Variants in MYCN observed in about 807,000 individuals in gnomAD.
The protein encoded by MYCN is MYCN proto-oncogene, bHLH transcription factor.
MYCN carries 3 observed loss-of-function variants against 28.1 expected under a neutral mutation model. That is an observed-to-expected ratio of 0.11 (90% confidence interval 0.05 to 0.28). The LOEUF is 0.28. Ranked by LOEUF, MYCN falls within the 10% of genes least tolerant of loss-of-function variation. MYCN has a pLI of 1.00. For synonymous variants in MYCN, 326 were observed against 288.3 expected (o/e 1.13, Z -1.32); for missense variants, 572 against 651.4 (o/e 0.88, Z 1.33).
chr2:15,946,159 A>G lies in MYCN; in HGVS notation c.*62A>G. ...ACATTTTGATTTTTTTTTTAAACAAACATTGTGTTGACATTAAGAATGTTG... is the reference window on the plus strand; with the variant it reads ...ACATTTTGATTTTTTTTTTAAACAAGCATTGTGTTGACATTAAGAATGTTG... On this transcript the variant is annotated 3_prime_UTR_variant, in exon 3 of 3. Transcript: ENST00000281043. The G allele has an allele frequency of 6.2e-7, 1 of 1,611,214 alleles. No individual in the cohort carries two copies. Among genetic ancestry groups the G allele is most frequent in the Non-Finnish European group, 8.5e-7 (1 of 1,178,340 alleles).
chr2:15,942,468 A>T lies in MYCN; in HGVS notation c.404A>T (p.Gln135Leu). Reference sequence around the variant, plus strand: ...GAGCGCGCCGTGAGCGAGAAGCTGCAGCACGGCCGCGGGCCGCCAACCGCC... The same window carrying T: ...GAGCGCGCCGTGAGCGAGAAGCTGCTGCACGGCCGCGGGCCGCCAACCGCC... ...KLERAVSEKLQHGRGPPTAGS... is the reference protein window; with the variant it reads ...KLERAVSEKLLHGRGPPTAGS... The change falls in exon 2 of 3, where the codon CAG becomes CTG. Residue 135 changes from glutamine to leucine, a missense_variant. Transcript: ENST00000281043. The surrounding 1 kb of genome is among the most constrained non-coding windows in gnomAD (Gnocchi z 7.0). 6.3e-7 allele frequency: 1 copy of T among 1,579,320 alleles called. No individual in the cohort carries two copies. Among genetic ancestry groups the T allele is most frequent in the Non-Finnish European group, 8.6e-7 (1 of 1,168,826 alleles).
Position 15,946,348 on chromosome 2 carries a change from G to A in MYCN, c.*251G>A, listed in dbSNP as rs936127085. The A allele has an allele frequency of 7.2e-6, 4 of 551,732 alleles. No homozygotes were observed. Among genetic ancestry groups the A allele is most frequent in the African/African-American group, 3.8e-5 (2 of 53,182 alleles). The allele number at this position is 551,732 out of a possible 1,614,324, so 34.2% of individuals were successfully genotyped here. On this transcript the variant is annotated 3_prime_UTR_variant, in exon 3 of 3. Transcript: ENST00000281043. Reference sequence around the variant, plus strand: ...CATGACAGCGCTAAACGTTGGTGACGGTTGGGAGCCTCTGGGGCTGTTGAA... The same window carrying A: ...CATGACAGCGCTAAACGTTGGTGACAGTTGGGAGCCTCTGGGGCTGTTGAA...
At position 15,940,596 on chromosome 2, in the gene MYCN, G is replaced by A. The variant is rs978181941; in HGVS notation, c.-265G>A. ...TGGACGCGCTGGGTGGATGCGGGGG[G>A]CTCCTGGGAACTGTGTTGGAGCCGA... On this transcript the variant is annotated 5_prime_UTR_variant, in exon 1 of 3. Transcript: ENST00000281043. 2 of 400,396 alleles carry A rather than the reference G, an allele frequency of 5.0e-6. No homozygotes were observed. The highest frequency in any genetic ancestry group is 2.0e-5 in the African/African-American group (1 of 48,808). The allele number at this position is 400,396 out of a possible 1,614,324, so 24.8% of individuals were successfully genotyped here.
Position 15,941,429 on chromosome 2 carries a change from G to A in MYCN, c.-117-519G>A, listed in dbSNP as rs949276702. On this transcript the variant is annotated intron_variant, in intron 1 of 2. Transcript: ENST00000281043. The surrounding 1 kb of genome is among the most constrained non-coding windows in gnomAD (Gnocchi z 4.8). ...GGTGTCTGTTGTTGGTCTCTGTCTA[G>A]AGAAAGGCTTTTTTTTATTTGCAAA... 3 of 154,276 alleles carry A rather than the reference G, an allele frequency of 1.9e-5. No individual in the cohort carries two copies. Among genetic ancestry groups the A allele is most frequent in the African/African-American group, 7.2e-5 (3 of 41,500 alleles). 9.6% of individuals were successfully genotyped at this position (154,276 alleles called of 1,614,324 possible). A position where few individuals can be genotyped will look rare whatever the true frequency, so the allele number is the denominator to read the frequency against.
rs112435141 is a variant in MYCN at position 15,945,296 on chromosome 2, G to A, written c.791-197G>A. Among the ~76,000 whole-genome samples, 2 of 152,124 alleles carry A rather than the reference G, an allele frequency of 1.3e-5. No homozygotes were observed. Among genetic ancestry groups the A allele is most frequent in the African/African-American group, 4.8e-5 (2 of 41,486 alleles). ...ATTACAGGTGTGAGTCACCGCGTCC[G>A]GCCTACAGATATATTTAATTTAAAG... is the stretch of plus-strand genomic sequence containing the variant. On this transcript the variant is annotated intron_variant, in intron 2 of 2. Transcript: ENST00000281043. The surrounding 1 kb of genome is among the most constrained non-coding windows in gnomAD (Gnocchi z 4.8).
Position 15,946,819 on chromosome 2 carries a change from C to CTA in MYCN, c.*732_*733dup, listed in dbSNP as rs563066464. 958 of 220,216 alleles carry CTA rather than the reference C, an allele frequency of 4.4e-3. 6 individuals carry two copies. The highest frequency in any genetic ancestry group is 6.8e-3 in the Non-Finnish European group (749 of 109,836). 13.6% of individuals were successfully genotyped at this position (220,216 alleles called of 1,614,324 possible). A position where few individuals can be genotyped will look rare whatever the true frequency, so the allele number is the denominator to read the frequency against. On this transcript the variant is annotated 3_prime_UTR_variant, in exon 3 of 3. Coordinates refer to ENST00000281043, the MANE Select transcript of MYCN (RefSeq NM_005378.6). ...TAAGAAACTTTTGTAAAGAAATTTA[C>CTA]TATATATATATGCCTTTTTCCTAGC...
In MYCN at chr2:15,945,594, A is replaced by G. The variant is rs1662842475; in HGVS notation, c.892A>G (p.Thr298Ala). ...CAACACCAAGGCTGTCACCACATTC[A>G]CCATCACTGTGCGTCCCAAGAACGC... is the stretch of plus-strand genomic sequence containing the variant. Reference protein sequence around the residue: ...SSNTKAVTTFTITVRPKNAAL... With the variant: ...SSNTKAVTTFAITVRPKNAAL... The change falls in exon 3 of 3, where the codon ACC becomes GCC. Residue 298 changes from threonine to alanine, a missense_variant. By Grantham distance (58) the Thr-to-Ala change is moderately conservative. Coordinates refer to ENST00000281043, the MANE Select transcript of MYCN (RefSeq NM_005378.6). The surrounding 1 kb of genome is among the most constrained non-coding windows in gnomAD (Gnocchi z 4.8). 1 of 1,614,134 alleles carries G rather than the reference A, an allele frequency of 6.2e-7. No individual in the cohort carries two copies. The highest frequency in any genetic ancestry group is 1.6e-4 in the Middle Eastern group (1 of 6,062).
intron 2 of MYCN, among the ~76,000 whole-genome samples, chr2:15,943,823 G>A (rs1662787511): frequency 6.6e-6 from 1 of 152,180 alleles, no homozygotes; most frequent in East Asian, 1.9e-4. Flanking sequence ...TGTGTCTTAA[G>A]CTGAAGGGAA....
intron 1 of MYCN, 184 bp downstream of exon 1, chr2:15,940,927 G>C (rs1442922934): frequency 7.6e-6 from 3 of 396,424 alleles, no homozygotes; most frequent in Non-Finnish European, 1.3e-5. Flanking sequence ...AGCCCCGAAG[G>C]CATCCTGGCT....
Position 15,946,298 on chromosome 2 carries a change from C to A in MYCN, c.*201C>A. 1.5e-6 allele frequency: 1 copy of A among 682,386 alleles called. No homozygotes were observed. Among genetic ancestry groups the A allele is most frequent in the Non-Finnish European group, 2.5e-6 (1 of 402,652 alleles). 42.3% of individuals were successfully genotyped at this position (682,386 alleles called of 1,614,324 possible). A position where few individuals can be genotyped will look rare whatever the true frequency, so the allele number is the denominator to read the frequency against. On this transcript the variant is annotated 3_prime_UTR_variant, in exon 3 of 3. Coordinates refer to ENST00000281043, the MANE Select transcript of MYCN (RefSeq NM_005378.6). ...CCTGCATCCCAGGATGCTGGGTGGC[C>A]CTGCAGCCTCCTCCACCTCACCTCC...
chr2:15,944,363 G>A (rs1461581531), intron 2 of MYCN, among the ~76,000 whole-genome samples: 3 of 152,190 alleles, frequency 2.0e-5, no homozygotes, highest in African/African-American at 7.2e-5. Flanking sequence ...TTCTGTTGTT[G>A]CTGTTATTAT....
In MYCN at chr2:15,942,135, T is replaced by C. The variant is rs2103323435; in HGVS notation, c.71T>C (p.Leu24Pro). The change falls in exon 2 of 3, where the codon CTA becomes CCA. Residue 24 changes from leucine to proline, a missense_variant. Coordinates refer to ENST00000281043, the MANE Select transcript of MYCN (RefSeq NM_005378.6). This position sits in a 1 kb window ranked among gnomAD's most constrained non-coding sequence, Gnocchi z 7.0. ...AACCCAGACCTCGAGTTTGACTCGC[T>C]ACAGCCCTGCTTCTACCCGGACGAA... ...CKNPDLEFDS[L>P]QPCFYPDEDD... 6.2e-7 allele frequency: 1 copy of C among 1,613,950 alleles called. No homozygotes were observed. Among genetic ancestry groups the C allele is most frequent in the Non-Finnish European group, 8.5e-7 (1 of 1,180,018 alleles).
At position 15,941,839 on chromosome 2, in the gene MYCN, G is replaced by T. The variant is rs1662685445; in HGVS notation, c.-117-109G>T. The stretch of plus-strand genomic sequence containing the variant: ...CACCTTCGGGAGCAGTGGGCAGAGT[G>T]GGGGGCTTGGAGGGAAGATTGGGGA... On this transcript the variant is annotated intron_variant, in intron 1 of 2. Coordinates refer to ENST00000281043, the MANE Select transcript of MYCN (RefSeq NM_005378.6). The surrounding 1 kb of genome is among the most constrained non-coding windows in gnomAD (Gnocchi z 4.8). The T allele has an allele frequency of 6.6e-6, 4 of 604,906 alleles. No individual in the cohort carries two copies. Among genetic ancestry groups the T allele is most frequent in the East Asian group, 2.8e-5 (1 of 36,196 alleles). The allele number at this position is 604,906 out of a possible 1,614,324, so 37.5% of individuals were successfully genotyped here.
Position 15,940,681 on chromosome 2 carries a change from C to T in MYCN, c.-180C>T, listed in dbSNP as rs1662613096. On this transcript the variant is annotated 5_prime_UTR_variant, in exon 1 of 3. Transcript: ENST00000281043. ...GTAGCCATCCGAGGACACCCCCGCC[C>T]CCCCGGCCCACCCGGAGACACCCGC... is the stretch of plus-strand genomic sequence containing the variant. 2 of 399,910 alleles carry T rather than the reference C, an allele frequency of 5.0e-6. No homozygotes were observed. Among genetic ancestry groups the T allele is most frequent in the South Asian group, 2.5e-4 (2 of 7,922 alleles). 24.8% of individuals were successfully genotyped at this position (399,910 alleles called of 1,614,324 possible).
In MYCN at chr2:15,941,760, A is replaced by C; in HGVS notation, c.-117-188A>C. On this transcript the variant is annotated intron_variant, in intron 1 of 2. Transcript: ENST00000281043. This position sits in a 1 kb window ranked among gnomAD's most constrained non-coding sequence, Gnocchi z 4.8. The stretch of plus-strand genomic sequence containing the variant: ...CCCCCTCCCACCCCCTGTCGTAGAC[A>C]GCTTGTACACAAAAGGAGGGCGGGA... 1.2e-5 allele frequency: 6 copies of C among 508,768 alleles called. No homozygotes were observed. Among genetic ancestry groups the C allele is most frequent in the East Asian group, 3.5e-5 (1 of 28,224 alleles). The allele number at this position is 508,768 out of a possible 1,614,324, so 31.5% of individuals were successfully genotyped here.
chr2:15,941,774 A>C lies in MYCN; in HGVS notation c.-117-174A>C, dbSNP rs1233044436. ...CTGTCGTAGACAGCTTGTACACAAA[A>C]GGAGGGCGGGAGGGAGGGAGCGAGA... is the stretch of plus-strand genomic sequence containing the variant. On this transcript the variant is annotated intron_variant, in intron 1 of 2. Transcript: ENST00000281043. This position sits in a 1 kb window ranked among gnomAD's most constrained non-coding sequence, Gnocchi z 4.8. 7.5e-6 allele frequency: 4 copies of C among 535,244 alleles called. No individual in the cohort carries two copies. The highest frequency in any genetic ancestry group is 2.0e-5 in the African/African-American group (1 of 51,232). 33.2% of individuals were successfully genotyped at this position (535,244 alleles called of 1,614,324 possible).
Position 15,942,862 on chromosome 2 carries a change from C to T in MYCN, c.790+8C>T, listed in dbSNP as rs983040714. 17 of 1,582,308 alleles carry T rather than the reference C, an allele frequency of 1.1e-5. No individual in the cohort carries two copies. The highest frequency in any genetic ancestry group is 6.8e-5 in the Admixed American group (4 of 58,802). On this transcript the variant is annotated splice_region_variant and intron_variant, in intron 2 of 2. Coordinates refer to ENST00000281043, the MANE Select transcript of MYCN (RefSeq NM_005378.6). The surrounding 1 kb of genome is among the most constrained non-coding windows in gnomAD (Gnocchi z 7.0). The stretch of plus-strand genomic sequence containing the variant: ...ACACCCTGAGCGATTCAGGTAAAGA[C>T]CGAACTCGGGTCCGGCTGCCTCCCT...
chr2:15,942,089 A>G lies in MYCN; in HGVS notation c.25A>G (p.Met9Val), dbSNP rs1260613770. 6.2e-7 allele frequency: 1 copy of G among 1,613,796 alleles called. No individual in the cohort carries two copies. The highest frequency in any genetic ancestry group is 1.1e-5 in the South Asian group (1 of 91,078). MPSCSTST[M>V]PGMICKNPDL... is the part of the protein sequence containing the mutation. ...GATGCCGAGCTGCTCCACGTCCACC[A>G]TGCCGGGCATGATCTGCAAGAACCC... Residue 9 changes from methionine (M) to valine (V), a missense_variant, in exon 2 of 3, where the codon ATG becomes GTG. Met to Val is a conservative substitution (Grantham distance 21). Transcript: ENST00000281043. The surrounding 1 kb of genome is among the most constrained non-coding windows in gnomAD (Gnocchi z 7.0).
chr2:15,945,671 C>T lies in MYCN; in HGVS notation c.969C>T (p.Cys323=), dbSNP rs745701466. The change falls in exon 3 of 3, where the codon TGC becomes TGT. Residue 323 remains cysteine (C), a synonymous_variant. Transcript: ENST00000281043. The surrounding 1 kb of genome is among the most constrained non-coding windows in gnomAD (Gnocchi z 4.8). ...CCAGCGAGCTGATCCTCAAACGATG[C>T]CTTCCCATCCACCAGCAGCACAACT... ...AQSSELILKR[C]LPIHQQHNYA... 1.1e-4 allele frequency: 173 copies of T among 1,614,052 alleles called. No individual in the cohort carries two copies. Among genetic ancestry groups the T allele is most frequent in the Non-Finnish European group, 1.5e-4 (172 of 1,180,026 alleles).
Sources: gnomAD v4.1 joint callset for allele counts (sites outside exome capture counted in the v4.1 genomes callset) on GRCh38, gnomAD v4.1.1 for gene constraint, Gnocchi (gnomAD v3.1) non-coding constraint, MANE v1.5 for transcripts, NCBI Gene and HGNC (gene_info 2026-07-23, HGNC 2026-07-21) for gene names.